The following WDFY3 variants were observed in gnomAD, a reference collection of about 807,000 sequenced individuals.
The protein encoded by WDFY3 is WD repeat and FYVE domain containing 3, also known as WD repeat and FYVE domain-containing protein 3.
WDFY3 carries 66 observed loss-of-function variants against 409.6 expected under a neutral mutation model. The ratio of observed to expected loss-of-function variants is 0.16; its 90% CI spans 0.13 to 0.20. WDFY3 has a LOEUF of 0.20. Ranked by LOEUF, WDFY3 falls within the 10% of genes least tolerant of loss-of-function variation. WDFY3 has a pLI of 1.00. For synonymous variants in WDFY3, 1,521 were observed against 1,537.1 expected (o/e 0.99, Z 0.25); for missense variants, 3,031 against 4,298.1 (o/e 0.71, Z 8.24).
chr4:84,760,531 G>A (rs1212464271), intron 32 of WDFY3, among the ~76,000 whole-genome samples: 1 of 151,310 alleles, frequency 6.6e-6, no homozygotes, highest in African/African-American at 2.4e-5. Flanking sequence ...GTTTAGTCTT[G>A]GGAGAGTGTA....
intron 7 of WDFY3, among the ~76,000 whole-genome samples, chr4:84,834,902 A>G (rs575647282): frequency 1.3e-5 from 2 of 152,322 alleles, no homozygotes; most frequent in East Asian, 1.9e-4. Context: ...CCTAGACACA[A>G]TGATGAAAAC....
At chr4:84,963,429 GAAA>G (rs1167259617) in intron 1 of WDFY3, among the ~76,000 whole-genome samples, 68 of 59,922 alleles carry the variant, frequency 1.1e-3, no homozygotes, top group African/African-American at 4.1e-3. Flanking sequence ...CATCTCAAAA[GAAA>G]AAAAAAAAAA....
At chr4:84,685,269 G>A (rs1437943702) in intron 62 of WDFY3, among the ~76,000 whole-genome samples, 1 of 152,198 alleles carries the variant, frequency 6.6e-6, no homozygotes, top group Non-Finnish European at 1.5e-5. Flanking sequence ...AGGTGGAGGA[G>A]GCTGGGGTAG....
intron 47 of WDFY3, 50 bp from the exon 48 acceptor site, chr4:84,718,620 C>A: frequency 1.9e-6 from 3 of 1,579,644 alleles, no homozygotes; most frequent in Non-Finnish European, 2.6e-6. Context: ...TTGTAAAGAT[C>A]AATTTTTGTT....
intron 2 of WDFY3, among the ~76,000 whole-genome samples, chr4:84,924,176 T>C (rs1331582900): frequency 1.3e-5 from 2 of 152,208 alleles, no homozygotes; most frequent in Admixed American, 6.5e-5. Flanking sequence ...ATAATTGCAA[T>C]GTTTTAATAC....
chr4:84,815,933 C>T (rs551361380), intron 13 of WDFY3, among the ~76,000 whole-genome samples: 24 of 152,222 alleles, frequency 1.6e-4, no homozygotes, highest in African/African-American at 5.1e-4. Flanking sequence ...ATGAATTTTA[C>T]TTGAATCAAT....
At chr4:84,950,064 A>G (rs909122458) in intron 1 of WDFY3, among the ~76,000 whole-genome samples, 1 of 152,232 alleles carries the variant, frequency 6.6e-6, no homozygotes, top group Non-Finnish European at 1.5e-5. Context: ...AATACTATGC[A>G]GCCATAAAAA....
At chr4:84,965,443 G>A (rs1775512906) in intron 1 of WDFY3, among the ~76,000 whole-genome samples, 1 of 152,162 alleles carries the variant, frequency 6.6e-6, no homozygotes, top group Admixed American at 6.5e-5. Context: ...GTATCACATT[G>A]TTTCTGTGAA....
At chr4:84,957,636 G>C (rs1294887570) in intron 1 of WDFY3, among the ~76,000 whole-genome samples, 1 of 152,118 alleles carries the variant, frequency 6.6e-6, no homozygotes, top group Non-Finnish European at 1.5e-5. Flanking sequence ...GATGTCTCAG[G>C]GATCCCTGAA....
intron 57 of WDFY3, 24 bp from the exon 58 acceptor site, chr4:84,696,206 G>T: frequency 3.7e-6 from 6 of 1,609,682 alleles, no homozygotes; most frequent in Non-Finnish European, 5.1e-6. Context: ...CATAGGTTTA[G>T]TCACTGGCTG....
At chr4:84,756,779 T>A in intron 33 of WDFY3, 147 bp downstream of exon 33, 1 of 986,014 alleles carries the variant, frequency 1.0e-6, no homozygotes, top group Non-Finnish European at 1.5e-6. Flanking sequence ...TTTTCTGTGG[T>A]ATTTTCAGAT....
intron 35 of WDFY3, among the ~76,000 whole-genome samples, chr4:84,752,969 T>A (rs1740796759): frequency 6.6e-6 from 1 of 152,222 alleles, no homozygotes; most frequent in Non-Finnish European, 1.5e-5. Context: ...TTTTGAAAAG[T>A]CACCAATATT....
chr4:84,753,863 T>C lies in WDFY3; in HGVS notation c.5573A>G (p.Glu1858Gly). 6.3e-7 allele frequency: 1 copy of C among 1,594,628 alleles called. No individual in the cohort carries two copies. Among genetic ancestry groups the C allele is most frequent in the Non-Finnish European group, 8.5e-7 (1 of 1,172,302 alleles). ...RSMLTSPWQS[E>G]EEGSWLREYP... ...TTCTCGGAGCCAAGATCCCTCTTCT[T>C]CTGATTGCCAAGGCTGTTATGGGGA... The change falls in exon 35 of 68, where the codon GAA becomes GGA. Residue 1858 changes from glutamate to glycine, a missense_variant. By Grantham distance (98) the Glu-to-Gly change is moderately conservative. Coordinates refer to ENST00000295888, the MANE Select transcript of WDFY3 (RefSeq NM_014991.6).
intron 5 of WDFY3, among the ~76,000 whole-genome samples, chr4:84,844,197 A>G (rs1180822638): frequency 2.0e-5 from 3 of 152,232 alleles, no homozygotes; most frequent in Admixed American, 1.3e-4. Flanking sequence ...AAACATGTTA[A>G]TAAGTGAAAT....
At chr4:84,940,988 T>C (rs1772039084) in intron 1 of WDFY3, among the ~76,000 whole-genome samples, 1 of 152,024 alleles carries the variant, frequency 6.6e-6, no homozygotes, top group African/African-American at 2.4e-5. Flanking sequence ...ATAAAAGCTC[T>C]ACTAAACCAG....
intron 24 of WDFY3, 108 bp downstream of exon 24, chr4:84,785,871 G>A: frequency 7.4e-7 from 1 of 1,343,466 alleles, no homozygotes; most frequent in Middle Eastern, 1.9e-4. Flanking sequence ...ATACATGAAA[G>A]GCATGATTTT....
chr4:84,709,474 T>C, intron 51 of WDFY3, 127 bp from the exon 52 acceptor site: 1 of 693,170 alleles, frequency 1.4e-6, no homozygotes, highest in Non-Finnish European at 2.4e-6. Flanking sequence ...TATTAGTGGG[T>C]CATAAAATCA....
At chr4:84,758,182 G>C (rs774908308) in intron 32 of WDFY3, among the ~76,000 whole-genome samples, 1 of 152,184 alleles carries the variant, frequency 6.6e-6, no homozygotes, top group Non-Finnish European at 1.5e-5. Context: ...TTTGTGAATA[G>C]CAACTAATAG....
chr4:84,848,819 G>C (rs1758474564), intron 5 of WDFY3, among the ~76,000 whole-genome samples: 1 of 152,136 alleles, frequency 6.6e-6, no homozygotes. Context: ...GATCATGAGA[G>C]TCGTAGATAT....
Sources: gnomAD v4.1 joint callset for allele counts (sites outside exome capture counted in the v4.1 genomes callset) on GRCh38, gnomAD v4.1.1 for gene constraint, MANE v1.5 for transcripts, NCBI Gene and HGNC (gene_info 2026-07-23, HGNC 2026-07-21) for gene names.